IL31RA: variants seen among roughly 807,000 people sequenced by gnomAD.
IL31RA encodes interleukin 31 receptor A.
A neutral mutation model predicts 83.7 loss-of-function variants in IL31RA; 66 were observed. The ratio of observed to expected loss-of-function variants is 0.79; its 90% CI spans 0.65 to 0.97. The LOEUF (loss-of-function observed/expected upper bound fraction) is 0.97, where lower values mean the gene tolerates loss of function less well. Ranked by LOEUF, IL31RA falls within the 50% of genes least tolerant of loss-of-function variation. The pLI is 0.00. For missense variants in IL31RA, 798 were observed against 919.4 expected, an observed-to-expected ratio of 0.87 and a Z score of 1.71; for synonymous variants, 325 against 329.0, an observed-to-expected ratio of 0.99 and a Z score of 0.13.
At chr5:55,869,811 T>A (rs1218956578) in intron 3 of IL31RA, among the ~76,000 whole-genome samples, 1 of 152,196 alleles carries the variant, frequency 6.6e-6, no homozygotes, top group Non-Finnish European at 1.5e-5. Flanking sequence ...CATTACTTCC[T>A]TCTTGTGAAT....
chr5:55,847,244 A>T (rs56034652), upstream of IL31RA, among the ~76,000 whole-genome samples: 4 of 61,166 alleles, frequency 6.5e-5, no homozygotes, highest in South Asian at 6.0e-4. Flanking sequence ...AAAAAAAATA[A>T]AAATAAATAA....
intron 12 of IL31RA, among the ~76,000 whole-genome samples, chr5:55,912,999 T>G (rs934865166): frequency 6.6e-6 from 1 of 152,072 alleles, no homozygotes; most frequent in Non-Finnish European, 1.5e-5. Context: ...AAGTAAGTGC[T>G]CAATAAGTAT....
At chr5:55,877,371 G>T (rs747845358) in intron 4 of IL31RA, among the ~76,000 whole-genome samples, 1 of 152,044 alleles carries the variant, frequency 6.6e-6, no homozygotes, top group Non-Finnish European at 1.5e-5. Context: ...AATAAAAAGA[G>T]GAATTATAAA....
intron 2 of IL31RA, among the ~76,000 whole-genome samples, chr5:55,864,651 G>A (rs980910894): frequency 3.4e-5 from 5 of 145,228 alleles, no homozygotes; most frequent in East Asian, 4.1e-4. Context: ...ACACCAACAC[G>A]CTCCAGCGGA....
chr5:55,860,907 G>A (rs1178999976), intron 2 of IL31RA, among the ~76,000 whole-genome samples: 1 of 152,078 alleles, frequency 6.6e-6, no homozygotes, highest in Non-Finnish European at 1.5e-5. Context: ...GTGGCAGCAG[G>A]GCTGGTTTGC....
chr5:55,898,882 GGCATGGTGGT>G (rs1748630268), intron 7 of IL31RA, among the ~76,000 whole-genome samples: 1 of 151,984 alleles, frequency 6.6e-6, no homozygotes, highest in Non-Finnish European at 1.5e-5. Context: ...AAATTAGTCG[GGCATGGTGGT>G]GCACACCTGT....
At chr5:55,886,098 G>C (rs991834885) in intron 5 of IL31RA, among the ~76,000 whole-genome samples, 4 of 151,914 alleles carry the variant, frequency 2.6e-5, no homozygotes, top group Non-Finnish European at 5.9e-5. Context: ...TTGGCATCCT[G>C]TACCCCGTAT....
At chr5:55,907,504 C>CAGGTCACA in intron 10 of IL31RA, 44 bp downstream of exon 10, 1 of 1,292,146 alleles carries the variant, frequency 7.7e-7, no homozygotes, top group Non-Finnish European at 1.1e-6. Context: ...AACAGTGTGA[C>CAGGTCACA]CTGTCCCACA....
chr5:55,866,959 C>CA (rs1344630296), intron 2 of IL31RA, among the ~76,000 whole-genome samples: 1 of 136,724 alleles, frequency 7.3e-6, no homozygotes, highest in Non-Finnish European at 1.6e-5. Flanking sequence ...CCTCCTCTCA[C>CA]AAAAATGCCT....
At chr5:55,889,527 C>T (rs1159482356) in intron 5 of IL31RA, among the ~76,000 whole-genome samples, 1 of 152,190 alleles carries the variant, frequency 6.6e-6, no homozygotes, top group Non-Finnish European at 1.5e-5. Flanking sequence ...ATTTAACTTT[C>T]CTGGGTCTCG....
intron 5 of IL31RA, among the ~76,000 whole-genome samples, chr5:55,889,301 G>C (rs775702442): frequency 2.6e-5 from 4 of 152,134 alleles, no homozygotes; most frequent in Non-Finnish European, 4.4e-5. Context: ...CTGACATCTA[G>C]AGAAAATAAC....
intron 5 of IL31RA, among the ~76,000 whole-genome samples, chr5:55,889,546 G>A (rs1254847650): frequency 1.3e-5 from 2 of 152,226 alleles, no homozygotes; most frequent in East Asian, 1.9e-4. Context: ...CGTGGATGAC[G>A]TGAGGATTGC....
chr5:55,864,326 C>T (rs1337898868), intron 2 of IL31RA, among the ~76,000 whole-genome samples: 1 of 124,810 alleles, frequency 8.0e-6, no homozygotes, highest in South Asian at 3.1e-4. Context: ...ACATATACAT[C>T]ACACACACCA....
chr5:55,839,921 A>G, the IL31RA span: 3 of 684,860 alleles, frequency 4.4e-6, no homozygotes, highest in Non-Finnish European at 8.2e-6. Flanking sequence ...CTTATTTTGA[A>G]TTTTGCAGTC....
In IL31RA at chr5:55,900,102, A is replaced by G. The variant is rs1284793191; in HGVS notation, c.1039A>G (p.Thr347Ala). ...TTCTCTTGGGAAGTCTCCAGTGGCC[A>G]CCCTGAGGATTCCAGCTATTCAAGA... ...YNSLGKSPVA[T>A]LRIPAIQEKS... The change falls in exon 8 of 15, where the codon ACC (threonine) becomes GCC (alanine). Residue 347 changes from threonine to alanine, a missense_variant. Transcript: ENST00000652347. 3 of 1,613,898 alleles carry G rather than the reference A, an allele frequency of 1.9e-6. No homozygotes were observed. The highest frequency in any genetic ancestry group is 3.3e-4 in the Middle Eastern group (2 of 6,062).
intron 8 of IL31RA, among the ~76,000 whole-genome samples, chr5:55,901,206 C>G (rs747146656): frequency 6.6e-6 from 1 of 152,152 alleles, no homozygotes; most frequent in Non-Finnish European, 1.5e-5. Flanking sequence ...GTCCTCATTT[C>G]CTGACATCCT....
intron 6 of IL31RA, among the ~76,000 whole-genome samples, chr5:55,895,612 T>G (rs1561106244): frequency 6.6e-6 from 1 of 152,262 alleles, no homozygotes; most frequent in Admixed American, 6.5e-5. Flanking sequence ...ACATATATGA[T>G]ATTTCTGTGC....
chr5:55,885,294 T>A (rs1318361098), intron 5 of IL31RA, among the ~76,000 whole-genome samples: 1 of 152,174 alleles, frequency 6.6e-6, no homozygotes, highest in Non-Finnish European at 1.5e-5. Context: ...GAATTTTTGC[T>A]CCTTAGTTCA....
intron 6 of IL31RA, among the ~76,000 whole-genome samples, chr5:55,896,093 A>G (rs1480610755): frequency 2.6e-5 from 4 of 152,184 alleles, no homozygotes; most frequent in African/African-American, 9.6e-5. Context: ...AATGGGGCCT[A>G]TTATACTTTT....
Sources: allele counts gnomAD v4.1 joint callset (sites outside exome capture counted in the v4.1 genomes callset), GRCh38; gene constraint gnomAD v4.1.1; transcripts MANE v1.5; gene names NCBI Gene and HGNC (gene_info 2026-07-23, HGNC 2026-07-21).